ERICH1: variants seen among roughly 807,000 people sequenced by gnomAD.
ERICH1 encodes the protein glutamate-rich protein 1.
In ERICH1, 56 loss-of-function variants were observed where a neutral mutation model predicts 39.6. The observed-to-expected ratio is 1.41, with a 90% confidence interval of 1.14 to 1.77. The LOEUF is 1.77. ERICH1 is among the 40% of genes most tolerant of loss of function. ERICH1 has a pLI of 0.00. For synonymous variants in ERICH1, 313 were observed against 223.6 expected (o/e 1.40, Z -3.57); for missense variants, 826 against 575.4 (o/e 1.44, Z -4.45).
At chr8:715,772 G>A (rs1815803631) in intron 2 of ERICH1, 89 bp downstream of exon 2, 4 of 1,513,292 alleles carry the variant, frequency 2.6e-6, no homozygotes, top group African/African-American at 2.8e-5. Context: ...GATGCCCGAG[G>A]CCCAAAAGAC....
intron 2 of ERICH1, among the ~76,000 whole-genome samples, chr8:708,681 G>GTTTTTTGTTTTTTGTTTTTTTTTTTTTT: frequency 1.5e-5 from 1 of 65,816 alleles, no homozygotes. Context: ...GGGATAATGA[G>GTTTTTTGTTTTTTGTTTTTTTTTTTTTT]TTTTTTTTTT....
chr8:635,564 G>T (rs1798363628), intron 3 of ERICH1, among the ~76,000 whole-genome samples: 1 of 152,204 alleles, frequency 6.6e-6, no homozygotes, highest in African/African-American at 2.4e-5. Context: ...AGCTGTGGTC[G>T]ACCTGGACGT....
intron 3 of ERICH1, among the ~76,000 whole-genome samples, chr8:631,198 C>G (rs1173108889): frequency 6.6e-6 from 1 of 152,258 alleles, no homozygotes; most frequent in African/African-American, 2.4e-5. Flanking sequence ...GGGAGGAGAA[C>G]AGGGGTGCCT....
At chr8:639,307 C>T (rs919208265) in intron 3 of ERICH1, among the ~76,000 whole-genome samples, 1 of 152,200 alleles carries the variant, frequency 6.6e-6, no homozygotes, top group Non-Finnish European at 1.5e-5. Flanking sequence ...GCATCTGTGA[C>T]CCCAGGTCAT....
At chr8:704,877 A>C (rs1812912895) in intron 2 of ERICH1, among the ~76,000 whole-genome samples, 1 of 152,230 alleles carries the variant, frequency 6.6e-6, no homozygotes, top group African/African-American at 2.4e-5. Context: ...GACTGGAGTG[A>C]TGGGCAGAAC....
At chr8:692,457 T>C in intron 3 of ERICH1, 21 bp downstream of exon 3, 2 of 1,613,862 alleles carry the variant, frequency 1.2e-6, no homozygotes, top group Non-Finnish European at 1.7e-6. Context: ...TGTCTACCTT[T>C]CCTCCCACCC....
rs529288233 is a variant in ERICH1 at position 651,516 on chromosome 8, G to A, written c.976+17082C>T. Among the ~76,000 whole-genome samples the A allele has an allele frequency of 5.8e-4, 89 of 152,296 alleles. 1 individual carries two copies. The South Asian group carries it at 0.015, about 26-fold the overall frequency. ...GTGGAGAAAATGCAGGAGCCAGCCCGGAGAGGCTCCCACTGCCCAAAGAAG... is the reference window on the plus strand; with the variant it reads ...GTGGAGAAAATGCAGGAGCCAGCCCAGAGAGGCTCCCACTGCCCAAAGAAG... On this transcript the variant is annotated intron_variant, in intron 3 of 3. Coordinates refer to the ERICH1 transcript ENST00000522706.
intron 3 of ERICH1, among the ~76,000 whole-genome samples, chr8:643,523 G>A (rs561235301): frequency 1.1e-3 from 167 of 151,800 alleles, no homozygotes; most frequent in African/African-American, 3.8e-3. Flanking sequence ...GCCCTGGGCC[G>A]AAGCCCCGCC....
chr8:651,213 G>A (rs1360672122), intron 3 of ERICH1, among the ~76,000 whole-genome samples: 1 of 152,224 alleles, frequency 6.6e-6, no homozygotes, highest in African/African-American at 2.4e-5. Flanking sequence ...TTCAGCTCAA[G>A]TTGTTAGTCC....
chr8:712,546 C>T (rs763379212), intron 2 of ERICH1, among the ~76,000 whole-genome samples: 1 of 152,182 alleles, frequency 6.6e-6, no homozygotes, highest in Non-Finnish European at 1.5e-5. Flanking sequence ...TCTCCTGCCT[C>T]AGCCTCTCGA....
chr8:652,688 G>A (rs1356884636), intron 3 of ERICH1, among the ~76,000 whole-genome samples: 1 of 152,214 alleles, frequency 6.6e-6, no homozygotes, highest in South Asian at 2.1e-4. Flanking sequence ...CTCAGGCTCA[G>A]AGAATTTAAG....
intron 4 of ERICH1, among the ~76,000 whole-genome samples, chr8:670,571 T>C (rs1803073262): frequency 6.6e-6 from 1 of 152,228 alleles, no homozygotes; most frequent in Non-Finnish European, 1.5e-5. Flanking sequence ...TGGGCTGCCC[T>C]GCTCTGCTGG....
At chr8:719,292 C>T (rs1816756489) in intron 1 of ERICH1, among the ~76,000 whole-genome samples, 1 of 152,258 alleles carries the variant, frequency 6.6e-6, no homozygotes, top group African/African-American at 2.4e-5. Flanking sequence ...ATCCACCCTC[C>T]ATGCCTCACT....
chr8:708,537 A>C (rs1813827000), intron 2 of ERICH1, among the ~76,000 whole-genome samples: 2 of 152,114 alleles, frequency 1.3e-5, no homozygotes, highest in South Asian at 4.1e-4. Flanking sequence ...TACATGAAAA[A>C]ACCCAGACAC....
At chr8:724,317 A>G (rs1309448697) in intron 1 of ERICH1, among the ~76,000 whole-genome samples, 1 of 152,200 alleles carries the variant, frequency 6.6e-6, no homozygotes, top group Admixed American at 6.5e-5. Context: ...CTCTACAAAT[A>G]AAAAAGGAGA....
chr8:627,462 G>A (rs544482206), intron 3 of ERICH1, among the ~76,000 whole-genome samples: 2 of 152,264 alleles, frequency 1.3e-5, no homozygotes, highest in East Asian at 1.9e-4. Context: ...ATGTTATATC[G>A]TTAACTCCCA....
rs144443443 is a variant in ERICH1 at position 634,558 on chromosome 8, G to A, written c.977-19274C>T. 4.7e-3 allele frequency among the ~76,000 whole-genome samples: 714 copies of A among 152,348 alleles called. 4 individuals are homozygous for A. The highest frequency in any genetic ancestry group is 0.016 in the African/African-American group (670 of 41,584). On this transcript the variant is annotated intron_variant, in intron 3 of 3. Coordinates refer to the ERICH1 transcript ENST00000522706. The stretch of plus-strand genomic sequence containing the variant: ...CGTCGGGCGGGCACCTTCAACAGCA[G>A]GTTTGCTTGCGGCTCACTCCAGCTC...
intron 2 of ERICH1, among the ~76,000 whole-genome samples, chr8:699,810 G>C (rs1258034806): frequency 1.3e-4 from 8 of 60,968 alleles, no homozygotes; most frequent in Admixed American, 5.7e-4. Context: ...CACGCGCACA[G>C]ATCCGCACAA....
intron 3 of ERICH1, among the ~76,000 whole-genome samples, chr8:682,686 T>G (rs187279976): frequency 6.6e-6 from 1 of 152,246 alleles, no homozygotes; most frequent in African/African-American, 2.4e-5. Flanking sequence ...GGAGTCACAA[T>G]GTGTCAAAAC....
Sources: gnomAD v4.1 joint callset for allele counts (sites outside exome capture counted in the v4.1 genomes callset) on GRCh38, gnomAD v4.1.1 for gene constraint, MANE v1.5 for transcripts, NCBI Gene and HGNC (gene_info 2026-07-23, HGNC 2026-07-21) for gene names.